XRCC4: variants seen among roughly 807,000 people sequenced by gnomAD.
The protein encoded by XRCC4 is DNA repair protein XRCC4.
A neutral mutation model predicts 39.1 loss-of-function variants in XRCC4; 28 were observed. That is an observed-to-expected ratio of 0.72 (90% CI 0.53 to 0.98). The LOEUF is 0.98. Among genes scored for constraint, XRCC4 ranks in the 50% least tolerant of loss-of-function variants. The probability of loss-of-function intolerance (pLI) is 0.00; values close to 1 mark genes in which losing one functional copy is unlikely to be tolerated. For synonymous variants in XRCC4, 123 were observed against 126.4 expected (o/e 0.97, Z 0.18); for missense variants, 350 against 376.4 (o/e 0.93, Z 0.58).
chr5:83,141,111 G>C (rs1197219260), intron 3 of XRCC4, among the ~76,000 whole-genome samples: 4 of 152,156 alleles, frequency 2.6e-5, no homozygotes, highest in Non-Finnish European at 5.9e-5. Context: ...ATGTATTCTG[G>C]AAATCACTCC....
At chr5:83,164,004 G>A (rs1749342774) in intron 3 of XRCC4, among the ~76,000 whole-genome samples, 1 of 152,142 alleles carries the variant, frequency 6.6e-6, no homozygotes, top group Admixed American at 6.5e-5. Context: ...CAAAGATCTT[G>A]TGTGTAGAAT....
chr5:83,238,892 T>C (rs1036588821), intron 6 of XRCC4, among the ~76,000 whole-genome samples: 8 of 151,120 alleles, frequency 5.3e-5, no homozygotes, highest in Admixed American at 1.3e-4. Context: ...CTTTAAGAAA[T>C]AGTTAGCTGC....
intron 1 of XRCC4, among the ~76,000 whole-genome samples, chr5:83,084,743 G>A (rs531389480): frequency 4.6e-5 from 7 of 152,140 alleles, no homozygotes; most frequent in Admixed American, 2.0e-4. Context: ...CTAATTTTGC[G>A]TTTAAAATAC....
At position 83,128,317 on chromosome 5, in the gene XRCC4, G is replaced by A. The variant is rs149699812; in HGVS notation, c.315+17114G>A. Among the ~76,000 whole-genome samples the A allele has an allele frequency of 2.9e-3, 442 of 152,150 alleles. 16 individuals carry two copies. In the East Asian group the frequency reaches 0.074, roughly 25 times the overall value. ...AGGATATGAACTCATCCTTTTTAAT[G>A]GCTACATAGTATTCCATGGTGTATA... On this transcript the variant is annotated intron_variant, in intron 3 of 7. Transcript: ENST00000396027.
intron 2 of XRCC4, among the ~76,000 whole-genome samples, chr5:83,106,328 G>A (rs1206593182): frequency 6.6e-6 from 1 of 152,098 alleles, no homozygotes; most frequent in African/African-American, 2.4e-5. Context: ...AACACAGCTT[G>A]GAAGCAAGTC....
chr5:83,306,566 T>A (rs1755494983), intron 7 of XRCC4, among the ~76,000 whole-genome samples: 1 of 152,188 alleles, frequency 6.6e-6, no homozygotes, highest in Non-Finnish European at 1.5e-5. Flanking sequence ...ATGAATAATT[T>A]CATAAGCAAA....
chr5:83,223,525 C>T lies in XRCC4; in HGVS notation c.745+18604C>T, dbSNP rs561465974. On this transcript the variant is annotated intron_variant, in intron 6 of 7. Coordinates refer to ENST00000396027, the MANE Select transcript of XRCC4 (RefSeq NM_003401.5). ...TTGTTTTACCTAAAGTTTATTGTAT[C>T]TGATATAAGTATAGCTACTTTGCTC... is the stretch of plus-strand genomic sequence containing the variant. Among the ~76,000 whole-genome samples the T allele has an allele frequency of 6.6e-4, 99 of 150,534 alleles. 1 individual carries two copies. Among genetic ancestry groups the T allele is most frequent in the Middle Eastern group, 3.5e-3 (1 of 284 alleles).
chr5:83,096,249 C>T (rs1580210854), intron 1 of XRCC4, among the ~76,000 whole-genome samples: 1 of 152,134 alleles, frequency 6.6e-6, no homozygotes, highest in South Asian at 2.1e-4. Context: ...AATCCCATCC[C>T]AGTGGCTCAG....
At chr5:83,273,084 A>T (rs1331222657) in intron 7 of XRCC4, among the ~76,000 whole-genome samples, 3 of 152,154 alleles carry the variant, frequency 2.0e-5, no homozygotes, top group Admixed American at 6.5e-5. Flanking sequence ...ACTCTCCAAC[A>T]TCTATTGTTT....
chr5:83,112,349 C>T (rs1468156823), intron 3 of XRCC4, among the ~76,000 whole-genome samples: 1 of 152,196 alleles, frequency 6.6e-6, no homozygotes, highest in Non-Finnish European at 1.5e-5. Context: ...TGTTTTGAAG[C>T]AGATCATTGC....
At chr5:83,366,258 C>A in the XRCC4 span, among the ~76,000 whole-genome samples, 1 of 152,168 alleles carries the variant, frequency 6.6e-6, no homozygotes, top group African/African-American at 2.4e-5. Flanking sequence ...GACTTCCCAA[C>A]CTCCAGAACC....
At chr5:83,086,176 G>A (rs1338215152) in intron 1 of XRCC4, among the ~76,000 whole-genome samples, 1 of 152,154 alleles carries the variant, frequency 6.6e-6, no homozygotes, top group Non-Finnish European at 1.5e-5. Flanking sequence ...GTTCTTAGAA[G>A]AAATGAATGA....
At chr5:83,309,433 T>C (rs1380410038) in intron 7 of XRCC4, among the ~76,000 whole-genome samples, 6 of 150,744 alleles carry the variant, frequency 4.0e-5, no homozygotes, top group Admixed American at 1.3e-4. Flanking sequence ...GTGGTTTCCA[T>C]ATGCTTTTGA....
chr5:83,341,925 A>C (rs961890533), intron 7 of XRCC4, among the ~76,000 whole-genome samples: 1 of 152,138 alleles, frequency 6.6e-6, no homozygotes, highest in East Asian at 1.9e-4. Flanking sequence ...AGTCCCCCCA[A>C]CTGGAGAGGC....
rs186833565 is a variant in XRCC4, at chr5:83,136,835, T to C, written c.315+25632T>C. Among the ~76,000 whole-genome samples the C allele has an allele frequency of 1.1e-4, 17 of 152,298 alleles. No homozygotes were observed. In the East Asian group the frequency reaches 3.1e-3, roughly 28 times the overall value. On this transcript the variant is annotated intron_variant, in intron 3 of 7. Coordinates refer to ENST00000396027, the MANE Select transcript of XRCC4 (RefSeq NM_003401.5). ...AAAAGCAAACTGTTTATTATGAAAT[T>C]CAGTCAAAAATCATATTAATGGGTT...
chr5:83,353,325 G>C lies in XRCC4; in HGVS notation c.*83G>C. The C allele has an allele frequency of 5.0e-5, 55 of 1,091,128 alleles. No individual in the cohort carries two copies. The highest frequency in any genetic ancestry group is 1.6e-5 in the African/African-American group (1 of 62,162). The allele number at this position is 1,091,128 out of a possible 1,614,324, so 67.6% of individuals were successfully genotyped here. A position where few individuals can be genotyped will look rare whatever the true frequency, so the allele number is the denominator to read the frequency against. On this transcript the variant is annotated 3_prime_UTR_variant, in exon 8 of 8. Transcript: ENST00000396027. ...AATGAAAAAGGAGAATTTCAAGTCA[G>C]CAGCCGCTATTACCGTATCTTACAA...
intron 7 of XRCC4, among the ~76,000 whole-genome samples, chr5:83,285,874 C>T (rs79796903): frequency 5.9e-5 from 9 of 152,112 alleles, no homozygotes; most frequent in Admixed American, 2.0e-4. Flanking sequence ...TGTCACTTCA[C>T]CCTCCTGGAA....
chr5:83,278,217 G>A (rs536640368), intron 7 of XRCC4, among the ~76,000 whole-genome samples: 4 of 152,262 alleles, frequency 2.6e-5, no homozygotes, highest in Non-Finnish European at 4.4e-5. Context: ...CTAAAAAAAT[G>A]TACTAACCAG....
intron 6 of XRCC4, among the ~76,000 whole-genome samples, chr5:83,217,575 A>C (rs565977119): frequency 1.3e-5 from 2 of 152,176 alleles, no homozygotes; most frequent in Non-Finnish European, 2.9e-5. Context: ...ATATTTTCAT[A>C]AATCACTGGA....
Sources: gnomAD v4.1 joint callset for allele counts (sites outside exome capture counted in the v4.1 genomes callset) on GRCh38, gnomAD v4.1.1 for gene constraint, MANE v1.5 for transcripts, NCBI Gene and HGNC (gene_info 2026-07-23, HGNC 2026-07-21) for gene names.